Variants in ITSN2 observed in about 807,000 individuals in gnomAD.
ITSN2 encodes the protein intersectin 2.
A neutral mutation model predicts 243.7 loss-of-function variants in ITSN2; 156 were observed. The observed-to-expected ratio is 0.64, with a 90% confidence interval of 0.56 to 0.73. ITSN2 has a LOEUF of 0.73. ITSN2 is among the 30% of genes least tolerant of loss of function. The pLI, the probability that ITSN2 is intolerant of heterozygous loss-of-function variation, is 0.00. For missense variants in ITSN2, 1,801 were observed against 1,996.1 expected (o/e 0.90, Z 1.86); for synonymous variants, 703 against 699.9 (o/e 1.00, Z -0.07).
intron 8 of ITSN2, among the ~76,000 whole-genome samples, chr2:24,305,576 CAAAAAAAAAAAA>C (rs537945691): frequency 2.4e-5 from 1 of 40,878 alleles, no homozygotes; most frequent in Non-Finnish European, 6.7e-5. Flanking sequence ...GACTCTGTCT[CAAAAAAAAAAAA>C]AAAAAAAAAA....
At chr2:24,261,880 A>C (rs1249171730) in intron 20 of ITSN2, 138 bp from the exon 21 acceptor site, 1 of 563,602 alleles carries the variant, frequency 1.8e-6, no homozygotes, top group African/African-American at 1.9e-5. Context: ...TTTTCTACAA[A>C]TTAACAGCTA....
intron 20 of ITSN2, among the ~76,000 whole-genome samples, chr2:24,263,603 C>T (rs928519068): frequency 6.6e-6 from 1 of 152,112 alleles, no homozygotes; most frequent in Non-Finnish European, 1.5e-5. Context: ...GCCATCTCTA[C>T]GAAAACACTG....
intron 20 of ITSN2, among the ~76,000 whole-genome samples, chr2:24,264,207 C>T (rs1307665607): frequency 6.6e-6 from 1 of 151,944 alleles, no homozygotes; most frequent in Non-Finnish European, 1.5e-5. Flanking sequence ...GTCTGACCAA[C>T]ATGGAAAAAC....
chr2:24,230,966 C>G (rs1188725364), intron 29 of ITSN2, among the ~76,000 whole-genome samples: 1 of 146,350 alleles, frequency 6.8e-6, no homozygotes, highest in Non-Finnish European at 1.5e-5. Context: ...CACTATTCCT[C>G]AGGCACCACA....
Position 24,203,472 on chromosome 2 carries a change from G to T in ITSN2, c.*154C>A. ...GGAAAGGTGTTTGCATAGATTGCTA[G>T]CTATTTAGTGTGCAGGAAAACAGAG... On this transcript the variant is annotated 3_prime_UTR_variant, in exon 40 of 40. Transcript: ENST00000355123. 1.5e-6 allele frequency: 1 copy of T among 684,252 alleles called. No homozygotes were observed. Among genetic ancestry groups the T allele is most frequent in the Non-Finnish European group, 2.4e-6 (1 of 417,410 alleles). 42.4% of individuals were successfully genotyped at this position (684,252 alleles called of 1,614,324 possible).
chr2:24,301,279 G>A, intron 10 of ITSN2, 40 bp from the exon 11 acceptor site: 1 of 1,291,752 alleles, frequency 7.7e-7, no homozygotes, highest in Non-Finnish European at 1.1e-6. Flanking sequence ...CATGTAGTCT[G>A]GACATTTTCA....
intron 20 of ITSN2, among the ~76,000 whole-genome samples, chr2:24,269,743 A>C (rs953206772): frequency 1.3e-5 from 2 of 152,224 alleles, no homozygotes; most frequent in African/African-American, 4.8e-5. Flanking sequence ...TTGTTGAAAT[A>C]AATAAAAAAT....
At chr2:24,310,262 T>A (rs776107910) in intron 7 of ITSN2, 22 bp downstream of exon 7, 1 of 1,457,944 alleles carries the variant, frequency 6.9e-7, no homozygotes, top group Admixed American at 1.9e-5. Flanking sequence ...CATAAAAAGT[T>A]GTCAGAGTTA....
intron 18 of ITSN2, 35 bp from the exon 19 acceptor site, chr2:24,271,976 C>T (rs1448332331): frequency 2.8e-6 from 4 of 1,416,350 alleles, no homozygotes; most frequent in Non-Finnish European, 1.9e-6. Flanking sequence ...GTATAATGTC[C>T]TAGAAATTTT....
At chr2:24,275,468 C>T (rs542080104) in intron 18 of ITSN2, among the ~76,000 whole-genome samples, 1 of 152,256 alleles carries the variant, frequency 6.6e-6, no homozygotes, top group South Asian at 2.1e-4. Context: ...CAAGGTCACC[C>T]AGGTAGTAAG....
chr2:24,249,103 G>C lies in ITSN2; in HGVS notation c.3121-221C>G, dbSNP rs1673779684. The stretch of plus-strand genomic sequence containing the variant: ...TAATGTAATACATTATATACGAGTG[G>C]CTGTCATCGTCAACCATTGACTCAA... On this transcript the variant is annotated intron_variant, in intron 25 of 39. Transcript: ENST00000355123. The surrounding 1 kb of genome is among the most constrained non-coding windows in gnomAD (Gnocchi z 4.4). Among the ~76,000 whole-genome samples the C allele has an allele frequency of 1.3e-5, 2 of 152,090 alleles. No individual in the cohort carries two copies. Among genetic ancestry groups the C allele is most frequent in the South Asian group, 4.1e-4 (2 of 4,828 alleles).
intron 15 of ITSN2, 115 bp from the exon 16 acceptor site, chr2:24,286,466 C>T (rs1203039926): frequency 8.8e-6 from 7 of 797,252 alleles, no homozygotes; most frequent in Non-Finnish European, 1.3e-5. Context: ...AGGATGTATA[C>T]ACAATGCAGA....
At chr2:24,301,266 C>T in intron 10 of ITSN2, 27 bp from the exon 11 acceptor site, 3 of 1,423,512 alleles carry the variant, frequency 2.1e-6, no homozygotes, top group South Asian at 1.2e-5. Flanking sequence ...ACAAAGTTAG[C>T]ATCATGTAGT....
At position 24,212,672 on chromosome 2, in the gene ITSN2, C is replaced by T. The variant is rs1253431543; in HGVS notation, c.4067G>A (p.Arg1356His). 1.9e-6 allele frequency: 3 copies of T among 1,612,150 alleles called. No individual in the cohort carries two copies. Among genetic ancestry groups the T allele is most frequent in the African/African-American group, 1.3e-5 (1 of 74,916 alleles). The stretch of plus-strand genomic sequence containing the variant: ...CACACTTCTGATGAGCAGTGGGTAG[C>T]GGGTGATCCTCTGCATGGGTTTCAG... ...FLLKPMQRITRYPLLIRSILE... is the reference protein window; with the variant it reads ...FLLKPMQRITHYPLLIRSILE... Residue 1356 changes from arginine to histidine, a missense_variant, in exon 33 of 40, where the codon CGC (arginine) becomes CAC (histidine). By Grantham distance (29) the Arg-to-His change is conservative (BLOSUM62 0). Transcript: ENST00000355123.
chr2:24,226,814 T>C (rs1671074537), intron 29 of ITSN2, among the ~76,000 whole-genome samples: 1 of 152,208 alleles, frequency 6.6e-6, no homozygotes, highest in Non-Finnish European at 1.5e-5. Flanking sequence ...TGAATGTAGC[T>C]GGAAAATTAC....
At chr2:24,306,678 T>G (rs1311563662) in intron 8 of ITSN2, among the ~76,000 whole-genome samples, 4 of 152,244 alleles carry the variant, frequency 2.6e-5, no homozygotes, top group Admixed American at 6.5e-5. Context: ...ACAAATAACT[T>G]CTTTTTATTA....
In ITSN2 at chr2:24,251,347, A is replaced by ATATGTG. The variant is rs1553355988; in HGVS notation, c.3120+997_3120+998insCACATA. The stretch of plus-strand genomic sequence containing the variant: ...AAATAAAATATATATATATATATAT[A>ATATGTG]TGTGTGTGTGTGTGTGTGTGTGTGT... On this transcript the variant is annotated intron_variant, in intron 25 of 39. Transcript: ENST00000355123. Among the ~76,000 whole-genome samples, 8 of 2,576 alleles carry ATATGTG rather than the reference A, an allele frequency of 3.1e-3. 4 individuals carry two copies. The highest frequency in any genetic ancestry group is 0.012 in the African/African-American group (8 of 662). The allele number at this position is 2,576 out of a possible 152,430, so 1.7% of individuals were successfully genotyped here.
rs1349151955 is a variant in ITSN2, at chr2:24,298,849, A to G, written c.1345-35T>C. On this transcript the variant is annotated intron_variant, in intron 12 of 39. Transcript: ENST00000355123. ...AAAAGGAATTATACTTAATTTTTAA[A>G]TCAAAAATTTTGCACGATTCAAAAA... The G allele has an allele frequency of 3.2e-6, 5 of 1,566,010 alleles. No homozygotes were observed. In the African/African-American group the frequency reaches 5.6e-5, roughly 17 times the overall value.
chr2:24,320,686 T>A, intron 2 of ITSN2, among the ~76,000 whole-genome samples: 1 of 148,632 alleles, frequency 6.7e-6, no homozygotes, highest in African/African-American at 2.5e-5. Context: ...CTGTCTGGGT[T>A]ACAGAACAAG....
Sources: gnomAD v4.1 joint callset for allele counts (sites outside exome capture counted in the v4.1 genomes callset) on GRCh38, gnomAD v4.1.1 for gene constraint, Gnocchi (gnomAD v3.1) non-coding constraint, MANE v1.5 for transcripts, NCBI Gene and HGNC (gene_info 2026-07-23, HGNC 2026-07-21) for gene names.